Variants in HMGA2 observed in about 807,000 individuals in gnomAD.
HMGA2 encodes the protein high mobility group AT-hook 2.
A neutral mutation model predicts 19.1 loss-of-function variants in HMGA2; 8 were observed. That is an observed-to-expected ratio of 0.42 (90% CI 0.25 to 0.76). HMGA2 has a LOEUF of 0.76. Ranked by LOEUF, HMGA2 falls within the 30% of genes least tolerant of loss-of-function variation. The pLI, the probability that HMGA2 is intolerant of heterozygous loss-of-function variation, is 0.28. For synonymous variants in HMGA2, 60 were observed against 48.8 expected, an observed-to-expected ratio of 1.23 and a Z score of -0.96; for missense variants, 109 against 136.3, an observed-to-expected ratio of 0.80 and a Z score of 1.00.
chr12:65,843,066 G>A, intron 3 of HMGA2: 1 of 248,036 alleles, frequency 4.0e-6, no homozygotes, highest in Admixed American at 5.6e-5. Flanking sequence ...TTAAAAGAAA[G>A]GAAATTAACA....
At chr12:65,928,123 G>A (rs1875579344) in intron 3 of HMGA2, among the ~76,000 whole-genome samples, 1 of 151,958 alleles carries the variant, frequency 6.6e-6, no homozygotes, top group Non-Finnish European at 1.5e-5. Flanking sequence ...AACCTAGATA[G>A]TACAGCCTAC....
chr12:65,930,674 C>T (rs1875677819), intron 3 of HMGA2, among the ~76,000 whole-genome samples: 1 of 152,194 alleles, frequency 6.6e-6, no homozygotes, highest in Non-Finnish European at 1.5e-5. Context: ...TGCAAATTTC[C>T]TGTGCAAGCT....
intron 3 of HMGA2, among the ~76,000 whole-genome samples, chr12:65,882,835 C>T (rs1873487730): frequency 6.6e-6 from 1 of 152,168 alleles, no homozygotes. Context: ...AATACCTGAT[C>T]TGCTAGGGAA....
chr12:65,909,618 G>A (rs921517353), intron 3 of HMGA2, among the ~76,000 whole-genome samples: 9 of 152,166 alleles, frequency 5.9e-5, no homozygotes, highest in Non-Finnish European at 1.3e-4. Flanking sequence ...GAAAAAAAAG[G>A]GATGATGAAG....
In HMGA2 at chr12:65,824,914, C is replaced by A. The variant is rs555633538; in HGVS notation, c.-357C>A. ...TCCTGATCCCAACCCGCGAGAGGAG[C>A]CTCTGCGACCTCAAAGCCTCTCTTC... On this transcript the variant is annotated 5_prime_UTR_variant, in exon 1 of 5. Coordinates refer to ENST00000403681, the MANE Select transcript of HMGA2 (RefSeq NM_003483.6). 4.7e-5 allele frequency: 14 copies of A among 299,132 alleles called. No individual in the cohort carries two copies. Among genetic ancestry groups the A allele is most frequent in the African/African-American group, 2.8e-4 (13 of 46,620 alleles). 18.5% of individuals were successfully genotyped at this position (299,132 alleles called of 1,614,324 possible).
intron 3 of HMGA2, chr12:65,858,544 C>A (rs898581909): frequency 2.0e-5 from 3 of 152,104 alleles, no homozygotes; most frequent in Non-Finnish European, 4.4e-5. Context: ...ATTAAAAAAA[C>A]CACTCTGTAA....
chr12:65,910,271 C>A (rs1463081898), intron 3 of HMGA2, among the ~76,000 whole-genome samples: 2 of 152,168 alleles, frequency 1.3e-5, no homozygotes, highest in Non-Finnish European at 2.9e-5. Context: ...ATTGCCTAAC[C>A]ATTCTCATGA....
chr12:65,951,228 C>A (rs1369804895), intron 3 of HMGA2, among the ~76,000 whole-genome samples, 155 bp from the exon 4 acceptor site: 1 of 152,164 alleles, frequency 6.6e-6, no homozygotes, highest in East Asian at 1.9e-4. Context: ...CATGCCTGGC[C>A]AAGTATAAAC....
In HMGA2 at chr12:65,904,272, C is replaced by T. The variant is rs554938597; in HGVS notation, c.250-47111C>T. The stretch of plus-strand genomic sequence containing the variant: ...TTGGCTCGTTGAGTGACCAAAGCAC[C>T]GCAGTCACCCAGTCTACCTCTAGAT... On this transcript the variant is annotated intron_variant, in intron 3 of 4. Coordinates refer to ENST00000403681, the MANE Select transcript of HMGA2 (RefSeq NM_003483.6). Among the ~76,000 whole-genome samples, 98 of 152,164 alleles carry T rather than the reference C, an allele frequency of 6.4e-4. 2 individuals carry two copies. Among genetic ancestry groups the T allele is most frequent in the Non-Finnish European group, 4.1e-4 (28 of 68,030 alleles).
intron 3 of HMGA2, among the ~76,000 whole-genome samples, chr12:65,883,208 A>G (rs1230181546): frequency 6.6e-6 from 1 of 152,244 alleles, no homozygotes; most frequent in African/African-American, 2.4e-5. Flanking sequence ...GGATCACACC[A>G]CATTTGTGGA....
chr12:65,899,330 T>C (rs1393857180), intron 3 of HMGA2, among the ~76,000 whole-genome samples: 2 of 152,248 alleles, frequency 1.3e-5, no homozygotes, highest in Non-Finnish European at 2.9e-5. Flanking sequence ...TTATTCTCTA[T>C]AGTACCTACA....
In HMGA2 at chr12:65,878,194, TA is replaced by T. The variant is rs1232812704; in HGVS notation, c.249+39629del. Among the ~76,000 whole-genome samples, 11 of 152,346 alleles carry T rather than the reference TA, an allele frequency of 7.2e-5. No homozygotes were observed. The South Asian group carries it at 2.1e-3, about 29-fold the overall frequency. On this transcript the variant is annotated intron_variant, in intron 3 of 4. Transcript: ENST00000403681. ...CATAGAAAACTGTTTTTAAGCTTCTTAAAATGGTTCTCTGCAACAACGTTTC... is the reference window on the plus strand; with the variant it reads ...CATAGAAAACTGTTTTTAAGCTTCTTAAATGGTTCTCTGCAACAACGTTTC...
At chr12:65,828,558 C>T (rs917319431) in intron 2 of HMGA2, 1 of 178,950 alleles carries the variant, frequency 5.6e-6, no homozygotes, top group African/African-American at 2.4e-5. Context: ...TATTAAAGTA[C>T]TTTGCCAAAT....
chr12:65,869,437 CT>C (rs1872595516), intron 3 of HMGA2, among the ~76,000 whole-genome samples: 1 of 152,182 alleles, frequency 6.6e-6, no homozygotes, highest in Non-Finnish European at 1.5e-5. Flanking sequence ...CCATGCTCCC[CT>C]CTTGCTACCT....
At chr12:65,939,808 G>T (rs1876026310) in intron 3 of HMGA2, among the ~76,000 whole-genome samples, 1 of 152,212 alleles carries the variant, frequency 6.6e-6, no homozygotes, top group Admixed American at 6.5e-5. Context: ...CTGGACAAGG[G>T]ATTAAAGGCA....
At chr12:65,854,358 A>G (rs995144682) in intron 3 of HMGA2, among the ~76,000 whole-genome samples, 1 of 152,152 alleles carries the variant, frequency 6.6e-6, no homozygotes, top group Non-Finnish European at 1.5e-5. Context: ...TCTTTCAGAG[A>G]CGTGCCTTGT....
chr12:65,837,744 T>C (rs1278407401), intron 2 of HMGA2, among the ~76,000 whole-genome samples: 1 of 152,212 alleles, frequency 6.6e-6, no homozygotes, highest in African/African-American at 2.4e-5. Context: ...TTCTGTGAAG[T>C]AAAGCAATGA....
At chr12:65,916,819 G>A (rs1347369212) in intron 3 of HMGA2, among the ~76,000 whole-genome samples, 1 of 152,216 alleles carries the variant, frequency 6.6e-6, no homozygotes, top group South Asian at 2.1e-4. Context: ...AAGGATGCAG[G>A]GAAAAGCGGA....
chr12:65,937,316 C>T (rs1875931207), intron 3 of HMGA2, among the ~76,000 whole-genome samples: 1 of 152,100 alleles, frequency 6.6e-6, no homozygotes, highest in African/African-American at 2.4e-5. Flanking sequence ...GTGGGATACT[C>T]CCCTGCTGAA....
Sources: gnomAD v4.1 joint callset for allele counts (sites outside exome capture counted in the v4.1 genomes callset) on GRCh38, gnomAD v4.1.1 for gene constraint, MANE v1.5 for transcripts, NCBI Gene and HGNC (gene_info 2026-07-23, HGNC 2026-07-21) for gene names.